The following TENM1 variants were observed in gnomAD, a reference collection of about 807,000 sequenced individuals.
TENM1 encodes the protein teneurin transmembrane protein 1.
Under a neutral mutation model 174.8 loss-of-function variants are expected in TENM1, and 35 were observed. The ratio of observed to expected loss-of-function variants is 0.20; its 90% confidence interval spans 0.15 to 0.27. The LOEUF is 0.27. TENM1 is among the 10% of genes least tolerant of loss of function. TENM1 has a pLI of 1.00. For missense variants in TENM1, 1,633 were observed against 2,130.1 expected (o/e 0.77, Z 4.59); for synonymous variants, 781 against 798.7 (o/e 0.98, Z 0.37).
At chrX:124,789,005 CT>C (rs1449024934) in intron 3 of TENM1, among the ~76,000 whole-genome samples, 1 of 112,452 alleles carries the variant, frequency 8.9e-6, no homozygotes, top group Non-Finnish European at 1.9e-5. Flanking sequence ...CTATAGCAAG[CT>C]TCTACCTGGA....
chrX:124,752,976 GCT>G (rs1483070584), intron 3 of TENM1, among the ~76,000 whole-genome samples: 1 of 110,967 alleles, frequency 9.0e-6, no homozygotes, highest in Non-Finnish European at 1.9e-5. Context: ...GGCGATGCGG[GCT>G]CTTTTTTGGT....
chrX:125,167,870 G>A, the TENM1 span, among the ~76,000 whole-genome samples: 1 of 111,797 alleles, frequency 8.9e-6, no homozygotes, highest in South Asian at 3.7e-4. Flanking sequence ...CCAAACCCTG[G>A]CCATGATTAT....
intron 2 of TENM1, among the ~76,000 whole-genome samples, 167 bp downstream of exon 5, chrX:124,895,814 T>A (rs1048349958): frequency 8.9e-6 from 1 of 112,370 alleles, no homozygotes; most frequent in Non-Finnish European, 1.9e-5. Context: ...TAAATGTCTA[T>A]TTGCCAGATA....
chrX:124,696,607 C>A (rs752410375), intron 5 of TENM1, among the ~76,000 whole-genome samples: 20 of 111,115 alleles, frequency 1.8e-4, no homozygotes, highest in Admixed American at 1.2e-3. Flanking sequence ...AATCCAAAAT[C>A]TTTTATCTGC....
Position 124,450,282 on chromosome X carries a change from C to T in TENM1, c.4104+3055G>A, listed in dbSNP as rs910279123. On this transcript the variant is annotated intron_variant, in intron 23 of 31. Coordinates refer to ENST00000422452, the Ensembl canonical transcript of TENM1. ...GGCTGAGGCAGGAGAATGGCGTGAA[C>T]CCGGGAGGCGGAGCTTGCAGTGAGC... Among the ~76,000 whole-genome samples, 269 of 108,997 alleles carry T rather than the reference C, an allele frequency of 2.5e-3. 2 individuals carry two copies. Among genetic ancestry groups the T allele is most frequent in the Non-Finnish European group, 4.3e-3 (227 of 52,255 alleles). 94.7% of individuals were successfully genotyped at this position (108,997 alleles called of 115,157 possible).
At chrX:125,120,435 A>T in the TENM1 span, among the ~76,000 whole-genome samples, 1 of 110,879 alleles carries the variant, frequency 9.0e-6, no homozygotes. Flanking sequence ...TAAGCCCAGC[A>T]TGCATCAGCT....
the TENM1 span, among the ~76,000 whole-genome samples, chrX:125,190,081 AT>A: frequency 9.0e-6 from 1 of 111,586 alleles, no homozygotes; most frequent in African/African-American, 3.3e-5. Context: ...TTCGCAGAAA[AT>A]AATCGTGTTA....
At chrX:125,066,121 A>T in the TENM1 span, among the ~76,000 whole-genome samples, 1 of 112,043 alleles carries the variant, frequency 8.9e-6, no homozygotes, top group Non-Finnish European at 1.9e-5. Flanking sequence ...TATATGACTT[A>T]AAAAGATTTT....
At chrX:125,091,020 T>C in the TENM1 span, among the ~76,000 whole-genome samples, 2 of 111,526 alleles carry the variant, frequency 1.8e-5, no homozygotes, top group African/African-American at 3.3e-5. Context: ...CTCAGTAACA[T>C]GATTTGAGTG....
intron 11 of TENM1, among the ~76,000 whole-genome samples, chrX:124,567,469 G>A (rs2048966821): frequency 8.9e-6 from 1 of 111,917 alleles, no homozygotes; most frequent in African/African-American, 3.2e-5. Context: ...TAATATTGCT[G>A]AGAGGTCAAG....
chrX:124,966,992 C>T (rs548770040), upstream of TENM1, among the ~76,000 whole-genome samples: 1 of 111,406 alleles, frequency 9.0e-6, no homozygotes, highest in African/African-American at 3.3e-5. Context: ...CCCTGAGGAA[C>T]TCATAGCTTA....
At chrX:124,463,577 T>C (rs1485881901) in intron 22 of TENM1, among the ~76,000 whole-genome samples, 1 of 111,306 alleles carries the variant, frequency 9.0e-6, no homozygotes, top group Non-Finnish European at 1.9e-5. Context: ...AGATTCACCA[T>C]AGAGACAATT....
chrX:124,664,532 G>GAAAAAAAAAAAAAAAAAAAAAAAAAAAA (rs779501054), intron 6 of TENM1, among the ~76,000 whole-genome samples: 1 of 29,276 alleles, frequency 3.4e-5, no homozygotes, highest in Admixed American at 4.9e-4. Context: ...TAAAGCAAAA[G>GAAAAAAAAAAAAAAAAAAAAAAAAAAAA]AAAAAAAAAA....
intron 23 of TENM1, among the ~76,000 whole-genome samples, chrX:124,423,544 T>C (rs1274577545): frequency 2.7e-5 from 3 of 110,967 alleles, no homozygotes; most frequent in African/African-American, 9.8e-5. Flanking sequence ...GGGGATAAGA[T>C]AGCACTTCAC....
At chrX:124,954,680 A>G (rs190716771) in intron 1 of TENM1, among the ~76,000 whole-genome samples, 104 of 111,403 alleles carry the variant, frequency 9.3e-4, no homozygotes, top group Middle Eastern at 4.6e-3. Context: ...CACCACCATG[A>G]TAATTATCTT....
intron 4 of TENM1, among the ~76,000 whole-genome samples, chrX:124,713,861 T>C (rs1017547854): frequency 4.5e-5 from 5 of 112,357 alleles, no homozygotes; most frequent in African/African-American, 1.6e-4. Flanking sequence ...TCTTGGCTTG[T>C]TGAATGTAAA....
intron 3 of TENM1, among the ~76,000 whole-genome samples, chrX:124,881,069 C>T (rs1018024749): frequency 1.8e-5 from 2 of 111,725 alleles, no homozygotes; most frequent in African/African-American, 3.2e-5. Context: ...GAGAATTCCA[C>T]CTTCTTCAAC....
At chrX:125,184,427 AT>A in the TENM1 span, among the ~76,000 whole-genome samples, 2 of 111,252 alleles carry the variant, frequency 1.8e-5, no homozygotes, top group Admixed American at 9.6e-5. Flanking sequence ...CTGATCTTAC[AT>A]TTTTTTTCCT....
the TENM1 span, among the ~76,000 whole-genome samples, chrX:125,132,988 T>G: frequency 1.8e-5 from 2 of 111,197 alleles, no homozygotes; most frequent in African/African-American, 6.6e-5. Flanking sequence ...TTTTTTTCTT[T>G]CTTTTTTTAT....
Sources: allele counts gnomAD v4.1 joint callset (sites outside exome capture counted in the v4.1 genomes callset), GRCh38; gene constraint gnomAD v4.1.1; transcripts MANE v1.5; gene names NCBI Gene and HGNC (gene_info 2026-07-23, HGNC 2026-07-21).